SPICE1: variants seen among roughly 807,000 people sequenced by gnomAD.
The protein encoded by SPICE1 is spindle and centriole-associated protein 1.
In SPICE1, 75 loss-of-function variants were observed where a neutral mutation model predicts 102.7. That is an observed-to-expected ratio of 0.73 (90% CI 0.61 to 0.88). The LOEUF is 0.88. Ranked by LOEUF, SPICE1 falls within the 40% of genes least tolerant of loss-of-function variation. The pLI is 0.00. For missense variants in SPICE1, 979 were observed against 1,020.1 expected (o/e 0.96, Z 0.55); for synonymous variants, 308 against 350.3 (o/e 0.88, Z 1.35).
chr3:113,506,317 T>C (rs1033810810), intron 2 of SPICE1, among the ~76,000 whole-genome samples, 190 bp downstream of exon 2: 1 of 152,172 alleles, frequency 6.6e-6, no homozygotes, highest in Non-Finnish European at 1.5e-5. Flanking sequence ...GATGTGTGTA[T>C]TCTAAAAACC....
intron 11 of SPICE1, among the ~76,000 whole-genome samples, chr3:113,462,436 T>A (rs1198581202): frequency 6.6e-6 from 1 of 152,208 alleles, no homozygotes; most frequent in Non-Finnish European, 1.5e-5. Flanking sequence ...TTCCATTACA[T>A]TCCTTTTGAG....
chr3:113,475,271 C>T (rs1198114508), intron 7 of SPICE1, among the ~76,000 whole-genome samples: 1 of 152,206 alleles, frequency 6.6e-6, no homozygotes, highest in Non-Finnish European at 1.5e-5. Flanking sequence ...ATAACAGGCT[C>T]TGAAATAGTG....
intron 7 of SPICE1, among the ~76,000 whole-genome samples, chr3:113,479,375 T>C (rs1046672268): frequency 6.6e-6 from 1 of 151,848 alleles, no homozygotes; most frequent in African/African-American, 2.4e-5. Context: ...CAGGCTATCA[T>C]TGTTGGACAT....
chr3:113,457,976 G>T (rs965449578), intron 12 of SPICE1, among the ~76,000 whole-genome samples: 6 of 152,008 alleles, frequency 3.9e-5, no homozygotes, highest in African/African-American at 1.4e-4. Flanking sequence ...CCATATATAA[G>T]GCTCATTACA....
chr3:113,502,662 T>TAAAAAAAAAAAAAAAAAAAAAAACAA (rs35248720), intron 3 of SPICE1, among the ~76,000 whole-genome samples: 1 of 87,284 alleles, frequency 1.1e-5, no homozygotes, highest in African/African-American at 4.6e-5. Flanking sequence ...CAATAAATCT[T>TAAAAAAAAAAAAAAAAAAAAAAACAA]AAAAAAAAAA....
At position 113,445,083 on chromosome 3, in the gene SPICE1, C is replaced by A. The variant is rs1159032636; in HGVS notation, c.*224G>T. ...ATTAAAATACAAAACTTTAACTTCT[C>A]TACAGTCAAAGTTTCATTCACAGGG... On this transcript the variant is annotated 3_prime_UTR_variant, in exon 18 of 18. Coordinates refer to ENST00000295872, the MANE Select transcript of SPICE1 (RefSeq NM_144718.4). 7.8e-6 allele frequency: 3 copies of A among 383,218 alleles called. No homozygotes were observed. The highest frequency in any genetic ancestry group is 1.4e-5 in the Non-Finnish European group (3 of 216,200). 23.7% of individuals were successfully genotyped at this position (383,218 alleles called of 1,614,324 possible).
intron 1 of SPICE1, among the ~76,000 whole-genome samples, chr3:113,511,935 C>T (rs1937229963): frequency 6.6e-6 from 1 of 152,054 alleles, no homozygotes; most frequent in African/African-American, 2.4e-5. Flanking sequence ...GAAAACTTTG[C>T]CAGAATTGGG....
chr3:113,473,270 G>A (rs1936251608), intron 7 of SPICE1, among the ~76,000 whole-genome samples: 1 of 152,200 alleles, frequency 6.6e-6, no homozygotes, highest in Non-Finnish European at 1.5e-5. Flanking sequence ...AAGCCTCCAA[G>A]AAATATGGGA....
chr3:113,470,411 A>G (rs938466999), intron 7 of SPICE1, among the ~76,000 whole-genome samples: 1 of 152,246 alleles, frequency 6.6e-6, no homozygotes, highest in African/African-American at 2.4e-5. Context: ...GAAGCTAACA[A>G]TAAAGATGGG....
intron 3 of SPICE1, 91 bp from the exon 4 acceptor site, chr3:113,499,673 C>T (rs1936971420): frequency 7.9e-7 from 1 of 1,259,820 alleles, no homozygotes. Context: ...TAGTTCATCA[C>T]TTTTTAAACT....
chr3:113,478,400 T>C (rs1445779597), intron 7 of SPICE1, among the ~76,000 whole-genome samples: 1 of 151,940 alleles, frequency 6.6e-6, no homozygotes, highest in Non-Finnish European at 1.5e-5. Context: ...AGCCAGGAAA[T>C]TGGAAACAAG....
intron 14 of SPICE1, 35 bp from the exon 15 acceptor site, chr3:113,450,551 T>C: frequency 1.3e-6 from 2 of 1,516,120 alleles, no homozygotes; most frequent in Non-Finnish European, 8.8e-7. Context: ...ACAAATTGAA[T>C]ACTGAATACT....
rs6775574 is a variant in SPICE1 at position 113,443,248 on chromosome 3, T to C, written c.*2059A>G. 1 of 152,002 alleles carries C rather than the reference T, an allele frequency of 6.6e-6. No individual in the cohort carries two copies. The highest frequency in any genetic ancestry group is 1.5e-5 in the Non-Finnish European group (1 of 67,982). 9.4% of individuals were successfully genotyped at this position (152,002 alleles called of 1,614,324 possible). Reference sequence around the variant, plus strand: ...TGTCTGACTTTCAAATGGGAAAGATTAGATTAATTTGTCCAAAGTACACAG... The same window carrying C: ...TGTCTGACTTTCAAATGGGAAAGATCAGATTAATTTGTCCAAAGTACACAG... On this transcript the variant is annotated 3_prime_UTR_variant, in exon 18 of 18. Transcript: ENST00000295872.
chr3:113,508,997 C>T (rs1937165972), intron 1 of SPICE1, among the ~76,000 whole-genome samples: 1 of 152,218 alleles, frequency 6.6e-6, no homozygotes, highest in South Asian at 2.1e-4. Flanking sequence ...AGAAGGCCCC[C>T]TATTGTTTGG....
intron 4 of SPICE1, among the ~76,000 whole-genome samples, chr3:113,497,406 C>T (rs1936915248): frequency 6.6e-6 from 1 of 152,056 alleles, no homozygotes; most frequent in Non-Finnish European, 1.5e-5. Context: ...ACCAATAAAG[C>T]ACAGGATAAA....
At chr3:113,479,634 C>T (rs1936445141) in intron 7 of SPICE1, among the ~76,000 whole-genome samples, 1 of 152,076 alleles carries the variant, frequency 6.6e-6, no homozygotes, top group Non-Finnish European at 1.5e-5. Flanking sequence ...CTCTCCAGCA[C>T]CTGTTGTTTC....
Position 113,506,508 on chromosome 3 carries a change from T to A in SPICE1, c.98A>T (p.Asp33Val), listed in dbSNP as rs180775914. The change falls in exon 2 of 18, where the codon GAT becomes GTT. Residue 33 changes from aspartate (D) to valine (V), a missense_variant and splice_region_variant. Transcript: ENST00000295872. The stretch of plus-strand genomic sequence containing the variant: ...ATTTACTATCCCACCTATACTCACA[T>A]CCCATTCTTGTTTCACTGAAGTTTT... ...KKKTSVKQEW[D>V]NTVTDLTVHR... 3 of 1,609,736 alleles carry A rather than the reference T, an allele frequency of 1.9e-6. No homozygotes were observed. In the Admixed American group the frequency reaches 5.0e-5, roughly 27 times the overall value.
intron 10 of SPICE1, 65 bp downstream of exon 10, chr3:113,468,074 G>A: frequency 6.4e-7 from 1 of 1,550,498 alleles, no homozygotes; most frequent in Non-Finnish European, 8.7e-7. Context: ...TGCAATAAAT[G>A]GAAAGGAAAA....
At chr3:113,460,073 C>A (rs536856024) in intron 12 of SPICE1, 1 of 985,330 alleles carries the variant, frequency 1.0e-6, no homozygotes, top group African/African-American at 1.7e-5. Flanking sequence ...AAGTAAAACA[C>A]ATGAAAAAAC....
Sources: gnomAD v4.1 joint callset for allele counts (sites outside exome capture counted in the v4.1 genomes callset) on GRCh38, gnomAD v4.1.1 for gene constraint, MANE v1.5 for transcripts, NCBI Gene and HGNC (gene_info 2026-07-23, HGNC 2026-07-21) for gene names.